Variants in TNIK observed in about 807,000 individuals in gnomAD.
The protein encoded by TNIK is TRAF2 and NCK interacting kinase, also known as TRAF2 and NCK-interacting protein kinase.
Under a neutral mutation model 191.3 loss-of-function variants are expected in TNIK, and 49 were observed. The observed-to-expected ratio is 0.26, with a 90% CI of 0.20 to 0.32. TNIK has a LOEUF of 0.32. Among genes scored for constraint, TNIK ranks in the 10% least tolerant of loss-of-function variants. The pLI is 1.00. For missense variants in TNIK, 1,155 were observed against 1,702.3 expected (o/e 0.68, Z 5.66); for synonymous variants, 594 against 600.9 (o/e 0.99, Z 0.17).
chr3:171,348,409 C>T (rs1394586842), intron 2 of TNIK, among the ~76,000 whole-genome samples: 1 of 152,014 alleles, frequency 6.6e-6, no homozygotes, highest in East Asian at 1.9e-4. Context: ...GTGGTTTCCA[C>T]ACCACCACCG....
intron 1 of TNIK, 112 bp from the exon 2 acceptor site, chr3:171,369,797 G>A (rs1716247008): frequency 8.5e-6 from 7 of 819,424 alleles, no homozygotes; most frequent in African/African-American, 1.7e-5. Context: ...TTTAGCTTCA[G>A]GGGCTCTCAT....
chr3:171,228,519 A>T (rs1236234948), intron 2 of TNIK, among the ~76,000 whole-genome samples: 2 of 152,210 alleles, frequency 1.3e-5, no homozygotes, highest in Admixed American at 1.3e-4. Context: ...AGGAGGATTT[A>T]TGTCGAAGGG....
At chr3:171,232,767 C>CT (rs1398052251) in intron 2 of TNIK, among the ~76,000 whole-genome samples, 4 of 152,206 alleles carry the variant, frequency 2.6e-5, no homozygotes, top group African/African-American at 9.7e-5. Flanking sequence ...TTCTCCCTCA[C>CT]TTTTGAGGCA....
chr3:171,082,246 C>A lies in TNIK; in HGVS notation c.3313+5G>T. ...CCTGGGGGACTCATCATCTTAGTAACATACCTGAAATTGTCACAAGGACAT... is the reference window on the plus strand; with the variant it reads ...CCTGGGGGACTCATCATCTTAGTAAAATACCTGAAATTGTCACAAGGACAT... On this transcript the variant is annotated splice_donor_5th_base_variant and intron_variant, in intron 27 of 32. Coordinates refer to ENST00000436636, the MANE Select transcript of TNIK (RefSeq NM_015028.4). The A allele has an allele frequency of 6.2e-7, 1 of 1,611,866 alleles. No individual in the cohort carries two copies. The highest frequency in any genetic ancestry group is 1.1e-5 in the South Asian group (1 of 90,522).
At chr3:171,369,507 A>T in intron 2 of TNIK, 113 bp downstream of exon 2, 1 of 661,216 alleles carries the variant, frequency 1.5e-6, no homozygotes, top group Non-Finnish European at 2.5e-6. Flanking sequence ...CAAGTATATT[A>T]ATTCATTTTA....
At chr3:171,380,753 A>T (rs994462827) in intron 1 of TNIK, among the ~76,000 whole-genome samples, 1 of 152,244 alleles carries the variant, frequency 6.6e-6, no homozygotes, top group Admixed American at 6.5e-5. Flanking sequence ...GTGCACACTG[A>T]AAGGGGCAGG....
At chr3:171,330,972 AAAT>A (rs1248782360) in intron 2 of TNIK, among the ~76,000 whole-genome samples, 3 of 152,202 alleles carry the variant, frequency 2.0e-5, no homozygotes, top group Non-Finnish European at 4.4e-5. Context: ...TCCTCCCACA[AAAT>A]AACACCACCA....
intron 1 of TNIK, 91 bp downstream of exon 1, chr3:171,459,916 C>A: frequency 1.5e-6 from 2 of 1,312,766 alleles, no homozygotes; most frequent in Non-Finnish European, 2.1e-6. Context: ...GCTGCTGTCC[C>A]CCTGCCCCAG....
At chr3:171,443,115 C>G (rs1041074916) in intron 1 of TNIK, among the ~76,000 whole-genome samples, 1 of 152,176 alleles carries the variant, frequency 6.6e-6, no homozygotes, top group African/African-American at 2.4e-5. Flanking sequence ...TACTCTCTAA[C>G]TGGTGCTGGA....
At chr3:171,088,562 G>A (rs1047569080) in intron 23 of TNIK, among the ~76,000 whole-genome samples, 1 of 152,166 alleles carries the variant, frequency 6.6e-6, no homozygotes, top group Non-Finnish European at 1.5e-5. Flanking sequence ...TATAATGTCA[G>A]TGCAGTAGAA....
chr3:171,245,856 TATTTTG>T (rs1745525502), intron 2 of TNIK, among the ~76,000 whole-genome samples: 1 of 152,326 alleles, frequency 6.6e-6, no homozygotes, highest in Admixed American at 6.5e-5. Flanking sequence ...GTATTATGAC[TATTTTG>T]ATTTAAGTAA....
intron 18 of TNIK, among the ~76,000 whole-genome samples, chr3:171,111,451 C>G (rs776460301): frequency 2.0e-4 from 30 of 151,670 alleles, no homozygotes; most frequent in Non-Finnish European, 3.5e-4. Context: ...CCCCACCAAA[C>G]CACAATGAGA....
intron 1 of TNIK, 79 bp downstream of exon 1, chr3:171,459,928 C>A: frequency 7.0e-7 from 1 of 1,433,618 alleles, no homozygotes; most frequent in South Asian, 1.2e-5. Flanking sequence ...CTGCCCCAGC[C>A]CCAGCCCCCA....
intron 2 of TNIK, among the ~76,000 whole-genome samples, chr3:171,341,045 C>T (rs770447122): frequency 1.2e-4 from 19 of 152,154 alleles, no homozygotes; most frequent in Non-Finnish European, 2.2e-4. Context: ...AAATATATAA[C>T]AGACTACAAA....
intron 3 of TNIK, among the ~76,000 whole-genome samples, chr3:171,221,953 C>G (rs1220863168): frequency 2.0e-5 from 3 of 152,096 alleles, no homozygotes; most frequent in African/African-American, 7.2e-5. Flanking sequence ...TATTGTCTGT[C>G]TTATTCAGTG....
intron 3 of TNIK, 98 bp downstream of exon 3, chr3:171,228,067 A>T (rs1743165647): frequency 2.2e-6 from 3 of 1,365,004 alleles, no homozygotes; most frequent in Non-Finnish European, 2.1e-6. Context: ...TCAACTTAAC[A>T]ATATTTTCTA....
chr3:171,289,896 C>T (rs1298805849), intron 2 of TNIK, among the ~76,000 whole-genome samples: 7 of 128,856 alleles, frequency 5.4e-5, no homozygotes, highest in African/African-American at 1.4e-4. Context: ...GGCCAGACTC[C>T]GTCTCAAAAA....
intron 1 of TNIK, among the ~76,000 whole-genome samples, chr3:171,383,440 G>A (rs1250848011): frequency 8.5e-5 from 13 of 152,212 alleles, no homozygotes; most frequent in Admixed American, 8.5e-4. Context: ...CTGCTGGCAT[G>A]AACAGTTATA....
chr3:171,344,814 C>G (rs1363630136), intron 2 of TNIK, among the ~76,000 whole-genome samples: 2 of 152,016 alleles, frequency 1.3e-5, no homozygotes, highest in Non-Finnish European at 2.9e-5. Flanking sequence ...AATTTTTAGC[C>G]TTGCCAAAAT....
Sources: allele counts gnomAD v4.1 joint callset (sites outside exome capture counted in the v4.1 genomes callset), GRCh38; gene constraint gnomAD v4.1.1; transcripts MANE v1.5; gene names NCBI Gene and HGNC (gene_info 2026-07-23, HGNC 2026-07-21).